TRMT13: variants seen among roughly 807,000 people sequenced by gnomAD.
The protein encoded by TRMT13 is tRNA methyltransferase 13.
In TRMT13, 45 loss-of-function variants were observed where a neutral mutation model predicts 55.9. The ratio of observed to expected loss-of-function variants is 0.80; its 90% CI spans 0.63 to 1.03. TRMT13 has a LOEUF of 1.03. Ranked by LOEUF, TRMT13 falls within the 50% of genes least tolerant of loss-of-function variation. The pLI is 0.00. For missense variants in TRMT13, 513 were observed against 563.9 expected, an observed-to-expected ratio of 0.91 and a Z score of 0.91; for synonymous variants, 183 against 196.3, an observed-to-expected ratio of 0.93 and a Z score of 0.57.
intron 5 of TRMT13, 47 bp downstream of exon 5, chr1:100,140,298 G>A (rs1458088158): frequency 2.6e-6 from 4 of 1,566,914 alleles, no homozygotes; most frequent in Admixed American, 1.7e-5. Context: ...GAGTAATTAG[G>A]TGGTATATGA....
intron 3 of TRMT13, 64 bp downstream of exon 3, chr1:100,137,149 C>A: frequency 7.5e-7 from 1 of 1,335,022 alleles, no homozygotes; most frequent in Non-Finnish European, 1.1e-6. Flanking sequence ...GTAGATGCTG[C>A]ACATGGAATG....
At chr1:100,140,789 G>C in intron 6 of TRMT13, 63 bp from the exon 7 acceptor site, 1 of 1,472,322 alleles carries the variant, frequency 6.8e-7, no homozygotes, top group Non-Finnish European at 9.3e-7. Flanking sequence ...TTACCTTGCT[G>C]TTTTCCCATT....
chr1:100,147,829 A>G, intron 9 of TRMT13, 65 bp from the exon 10 acceptor site: 1 of 1,454,720 alleles, frequency 6.9e-7, no homozygotes, highest in Non-Finnish European at 9.2e-7. Flanking sequence ...CTGCTTAATA[A>G]ATGTAAAAAG....
chr1:100,143,295 A>G (rs769571204), intron 8 of TRMT13, 86 bp downstream of exon 8: 94 of 760,328 alleles, frequency 1.2e-4, no homozygotes, highest in Non-Finnish European at 1.9e-4. Flanking sequence ...ATCATGCAGA[A>G]CTGTGCTTCA....
chr1:100,143,510 T>G (rs1452570151), intron 8 of TRMT13, among the ~76,000 whole-genome samples: 2 of 152,236 alleles, frequency 1.3e-5, no homozygotes, highest in East Asian at 3.8e-4. Flanking sequence ...TTTGAGTCTG[T>G]TCAAACTATA....
intron 3 of TRMT13, among the ~76,000 whole-genome samples, chr1:100,138,943 G>A (rs76811386): frequency 0.011 from 1,641 of 152,256 alleles, 28 homozygotes; most frequent in African/African-American, 0.038. Flanking sequence ...AGACTAGAAA[G>A]ATTTCATTAT....
In TRMT13 at chr1:100,144,107, G is replaced by T; in HGVS notation, c.781G>T (p.Val261Leu). 1 of 1,613,436 alleles carries T rather than the reference G, an allele frequency of 6.2e-7. No individual in the cohort carries two copies. The highest frequency in any genetic ancestry group is 8.5e-7 in the Non-Finnish European group (1 of 1,179,540). ...GCTAAGAGAAGAAAAACTACCTGTG[G>T]TAGGAATTGGAAAGCATCTGTGTGG... ...PVLREEKLPV[V>L]GIGKHLCGMA... Residue 261 changes from valine (V) to leucine (L), a missense_variant, in exon 9 of 11, where the codon GTA becomes TTA. Coordinates refer to ENST00000370141, the MANE Select transcript of TRMT13 (RefSeq NM_019083.3).
chr1:100,148,676 G>GA lies in TRMT13; in HGVS notation c.1303dup (p.Ile435AsnfsTer2). On this transcript the variant is annotated frameshift_variant, in exon 11 of 11. Coordinates refer to ENST00000370141, the MANE Select transcript of TRMT13 (RefSeq NM_019083.3). LOFTEE classifies it high-confidence loss of function. ...AAATAGGGCATCTTTGTAAATTGCT[G>GA]ATTGACCAAGGTCGAATCCAGTATT... 1 of 1,613,122 alleles carries GA rather than the reference G, an allele frequency of 6.2e-7. No individual in the cohort carries two copies. The highest frequency in any genetic ancestry group is 8.5e-7 in the Non-Finnish European group (1 of 1,179,740).
chr1:100,148,509 A>G (rs758676963), intron 10 of TRMT13, 116 bp from the exon 11 acceptor site: 385 of 1,086,808 alleles, frequency 3.5e-4, no homozygotes, highest in Non-Finnish European at 4.5e-4. Context: ...CATGGGACAA[A>G]GTACTTAGTA....
chr1:100,136,197 G>A (rs758861259), intron 1 of TRMT13, among the ~76,000 whole-genome samples: 34 of 152,148 alleles, frequency 2.2e-4, no homozygotes, highest in Non-Finnish European at 4.6e-4. Flanking sequence ...AAGTTGCAAA[G>A]CCAGTAAAAT....
In TRMT13 at chr1:100,133,301, G is replaced by C; in HGVS notation, c.133G>C (p.Ala45Pro). Reference protein sequence around the residue: ...AAGKRFCGEHAGAAEEEDARK... With the variant: ...AAGKRFCGEHPGAAEEEDARK... Reference sequence around the variant, plus strand: ...AGGGAAAAGATTTTGTGGTGAACACGCTGGAGCCGCGGAGGTGTGGTATCG... The same window carrying C: ...AGGGAAAAGATTTTGTGGTGAACACCCTGGAGCCGCGGAGGTGTGGTATCG... Residue 45 changes from alanine to proline, a missense_variant, in exon 1 of 11, where the codon GCT (alanine) becomes CCT (proline). Around this residue, in one of 3 missense-constraint regions of TRMT13, gnomAD observed 298 missense variants for 290.3 expected, o/e 1.03. Coordinates refer to ENST00000370141, the MANE Select transcript of TRMT13 (RefSeq NM_019083.3). 1 of 1,614,092 alleles carries C rather than the reference G, an allele frequency of 6.2e-7. No homozygotes were observed. Among genetic ancestry groups the C allele is most frequent in the Non-Finnish European group, 8.5e-7 (1 of 1,180,000 alleles).
At chr1:100,148,418 TG>T in intron 10 of TRMT13, 92 bp downstream of exon 10, 1 of 1,313,850 alleles carries the variant, frequency 7.6e-7, no homozygotes, top group East Asian at 2.4e-5. Context: ...TTCATGAAAA[TG>T]TATTTTATAA....
At position 100,150,303 on chromosome 1, in the gene TRMT13, T is replaced by C. The variant is rs559847788; in HGVS notation, c.*1483T>C. On this transcript the variant is annotated 3_prime_UTR_variant, in exon 11 of 11. Transcript: ENST00000370141. ...AGTTGTTAACTTTTTTCCCTTGTTA[T>C]AAGTTTTATGTCAAGTAAGGTAGTT... 1 of 152,356 alleles carries C rather than the reference T, an allele frequency of 6.6e-6. No individual in the cohort carries two copies. Among genetic ancestry groups the C allele is most frequent in the Non-Finnish European group, 1.5e-5 (1 of 68,024 alleles). The allele number at this position is 152,356 out of a possible 1,614,324, so 9.4% of individuals were successfully genotyped here. A position where few individuals can be genotyped will look rare whatever the true frequency, so the allele number is the denominator to read the frequency against.
intron 7 of TRMT13, among the ~76,000 whole-genome samples, chr1:100,141,874 G>T (rs2101732346): frequency 6.6e-6 from 1 of 152,318 alleles, no homozygotes; most frequent in Non-Finnish European, 1.5e-5. Flanking sequence ...AGCAAGAACA[G>T]TGTAACCAAA....
chr1:100,140,344 A>G (rs1261447739), intron 5 of TRMT13, 64 bp from the exon 6 acceptor site: 21 of 1,554,708 alleles, frequency 1.4e-5, no homozygotes, highest in Middle Eastern at 1.7e-4. Context: ...TGTTACTACT[A>G]TTGTTCAGAA....
chr1:100,138,639 T>A (rs930080954), intron 3 of TRMT13, among the ~76,000 whole-genome samples: 9 of 152,236 alleles, frequency 5.9e-5, no homozygotes, highest in African/African-American at 2.2e-4. Flanking sequence ...TTACTACACA[T>A]AACATAATGT....
Position 100,149,196 on chromosome 1 carries a change from T to C in TRMT13, c.*376T>C. ...TTTGATTTTATTTAATATTTTTTAT[T>C]TCTTAAGTTCAAGAGGTAGTGATTG... On this transcript the variant is annotated 3_prime_UTR_variant, in exon 11 of 11. Transcript: ENST00000370141. 1 of 1,497,302 alleles carries C rather than the reference T, an allele frequency of 6.7e-7. No homozygotes were observed. Among genetic ancestry groups the C allele is most frequent in the East Asian group, 2.6e-5 (1 of 39,196 alleles). 92.8% of individuals were successfully genotyped at this position (1,497,302 alleles called of 1,614,324 possible).
At position 100,146,666 on chromosome 1, in the gene TRMT13, C is replaced by T. The variant is rs556419853; in HGVS notation, c.818-1228C>T. 1.1e-4 allele frequency among the ~76,000 whole-genome samples: 16 copies of T among 152,250 alleles called. No homozygotes were observed. In the South Asian group the frequency reaches 1.9e-3, roughly 18 times the overall value. On this transcript the variant is annotated intron_variant, in intron 9 of 10. Transcript: ENST00000370141. The stretch of plus-strand genomic sequence containing the variant: ...GACTACAGACTCGTGCCACCACGCC[C>T]GGCTAATTTTTGTATTTTTAGTAGA...
chr1:100,148,397 A>G (rs1657561403), intron 10 of TRMT13, 71 bp downstream of exon 10: 2 of 1,371,808 alleles, frequency 1.5e-6, no homozygotes, highest in South Asian at 2.7e-5. Flanking sequence ...TTAGATGACT[A>G]TTATCAACAA....
Sources: allele counts gnomAD v4.1 joint callset (sites outside exome capture counted in the v4.1 genomes callset), GRCh38; gene constraint gnomAD v4.1.1; regional missense constraint gnomAD v4.1.1; transcripts MANE v1.5; gene names NCBI Gene and HGNC (gene_info 2026-07-23, HGNC 2026-07-21).